Variants in MDM2 observed in about 807,000 individuals in gnomAD.
MDM2 encodes the protein MDM2 proto-oncogene, also known as E3 ubiquitin-protein ligase Mdm2.
A neutral mutation model predicts 64.3 loss-of-function variants in MDM2; 11 were observed. That is an observed-to-expected ratio of 0.17 (90% CI 0.11 to 0.28). The LOEUF is 0.28. MDM2 is among the 10% of genes least tolerant of loss of function. The pLI is 1.00. For missense variants in MDM2, 388 were observed against 577.1 expected (o/e 0.67, Z 3.36); for synonymous variants, 194 against 192.9 (o/e 1.01, Z -0.05).
chr12:68,840,196 G>A lies in MDM2; in HGVS notation c.*347G>A, dbSNP rs1303393871. The stretch of plus-strand genomic sequence containing the variant: ...GTCTTGCTCTGTTACCCAGGCTGGA[G>A]TGCAGTGGCGTGATCTTGGCTCACT... On this transcript the variant is annotated 3_prime_UTR_variant, in exon 11 of 11. Coordinates refer to ENST00000258149, the MANE Select transcript of MDM2 (RefSeq NM_002392.6). 4.4e-6 allele frequency: 1 copy of A among 227,530 alleles called. No homozygotes were observed. The highest frequency in any genetic ancestry group is 8.7e-6 in the Non-Finnish European group (1 of 115,508). The allele number at this position is 227,530 out of a possible 1,614,324, so 14.1% of individuals were successfully genotyped here. A position where few individuals can be genotyped will look rare whatever the true frequency, so the allele number is the denominator to read the frequency against.
chr12:68,839,209 A>G, intron 10 of MDM2, 65 bp from the exon 11 acceptor site: 1 of 1,472,456 alleles, frequency 6.8e-7, no homozygotes. Context: ...CAAAGTTGCT[A>G]GCATTCCTGT....
At chr12:68,815,891 T>G (rs1488429348) in intron 3 of MDM2, among the ~76,000 whole-genome samples, 1 of 152,230 alleles carries the variant, frequency 6.6e-6, no homozygotes, top group Non-Finnish European at 1.5e-5. Context: ...AAAAATGTAT[T>G]GCCAACTTCT....
At chr12:68,835,049 C>T in intron 8 of MDM2, among the ~76,000 whole-genome samples, 1 of 151,978 alleles carries the variant, frequency 6.6e-6, no homozygotes, top group East Asian at 1.9e-4. Flanking sequence ...TGACTCGAGA[C>T]ATTTTTCTAA....
intron 2 of MDM2, among the ~76,000 whole-genome samples, chr12:68,810,185 G>A (rs1055499902): frequency 6.6e-6 from 1 of 151,836 alleles, no homozygotes; most frequent in Non-Finnish European, 1.5e-5. Context: ...GGTGGCGCGC[G>A]CCTATAATCC....
chr12:68,845,582 G>A (rs951023453), downstream of MDM2: 5 of 181,276 alleles, frequency 2.8e-5, no homozygotes, highest in Admixed American at 6.3e-5. Flanking sequence ...ACTTGAATTC[G>A]TATTGCTTTC....
intron 7 of MDM2, among the ~76,000 whole-genome samples, chr12:68,825,631 G>A (rs1281774914): frequency 2.6e-5 from 4 of 151,904 alleles, no homozygotes; most frequent in Admixed American, 1.3e-4. Flanking sequence ...CCGCCTGGGC[G>A]ACACAGTGAG....
At chr12:68,829,580 A>G (rs781159764) in intron 8 of MDM2, among the ~76,000 whole-genome samples, 7 of 152,264 alleles carry the variant, frequency 4.6e-5, no homozygotes, top group Non-Finnish European at 1.0e-4. Flanking sequence ...AGCATGGCCA[A>G]CAAGATGAAA....
At chr12:68,838,707 C>T (rs1456194559) in intron 10 of MDM2, among the ~76,000 whole-genome samples, 1 of 152,100 alleles carries the variant, frequency 6.6e-6, no homozygotes, top group Admixed American at 6.5e-5. Context: ...ATATAGGCTG[C>T]ATGACAGAGT....
At chr12:68,833,272 T>A (rs1218933772) in intron 8 of MDM2, among the ~76,000 whole-genome samples, 6 of 82,736 alleles carry the variant, frequency 7.3e-5, no homozygotes, top group Admixed American at 4.6e-4. Flanking sequence ...TAATTATATA[T>A]TTATATAAAT....
At chr12:68,809,002 A>G in intron 1 of MDM2, 1 of 1,454,720 alleles carries the variant, frequency 6.9e-7, no homozygotes, top group Non-Finnish European at 9.0e-7. Flanking sequence ...TATTTAAACC[A>G]TGCATTTTCC....
At chr12:68,822,558 G>C (rs1881949268) in intron 5 of MDM2, among the ~76,000 whole-genome samples, 1 of 152,002 alleles carries the variant, frequency 6.6e-6, no homozygotes, top group Admixed American at 6.6e-5. Flanking sequence ...GTAGTAGTTT[G>C]AGTTTTCTGA....
chr12:68,824,454 C>G (rs1363997448), intron 6 of MDM2, 24 bp downstream of exon 6: 1 of 1,607,624 alleles, frequency 6.2e-7, no homozygotes, highest in African/African-American at 1.3e-5. Context: ...ATTTCTCATT[C>G]TAATGTAATA....
chr12:68,827,868 G>C (rs1199891300), intron 7 of MDM2, among the ~76,000 whole-genome samples: 2 of 152,112 alleles, frequency 1.3e-5, no homozygotes, highest in Non-Finnish European at 1.5e-5. Context: ...TAGTGGCTTA[G>C]GCCTGTAATC....
intron 4 of MDM2, among the ~76,000 whole-genome samples, chr12:68,819,464 T>C (rs931882380): frequency 1.3e-5 from 2 of 152,170 alleles, no homozygotes; most frequent in African/African-American, 4.8e-5. Context: ...ATTGAATGAA[T>C]GAGTACTGCT....
At position 68,842,220 on chromosome 12, in the gene MDM2, A is replaced by G; in HGVS notation, c.*2371A>G. 1 of 499,116 alleles carries G rather than the reference A, an allele frequency of 2.0e-6. No individual in the cohort carries two copies. The highest frequency in any genetic ancestry group is 1.5e-5 in the South Asian group (1 of 64,882). 30.9% of individuals were successfully genotyped at this position (499,116 alleles called of 1,614,324 possible). Reference sequence around the variant, plus strand: ...AGTTGAAAAGATCAAACAAATGCCAAGCTATATTTATAATGAACAAATTCA... The same window carrying G: ...AGTTGAAAAGATCAAACAAATGCCAGGCTATATTTATAATGAACAAATTCA... On this transcript the variant is annotated 3_prime_UTR_variant, in exon 11 of 11. Coordinates refer to ENST00000258149, the MANE Select transcript of MDM2 (RefSeq NM_002392.6).
intron 2 of MDM2, among the ~76,000 whole-genome samples, chr12:68,812,906 T>G (rs760635168): frequency 2.0e-5 from 3 of 152,198 alleles, no homozygotes; most frequent in Non-Finnish European, 4.4e-5. Flanking sequence ...ACCCCTAATC[T>G]AGTTGGCAGG....
At chr12:68,808,846 G>A in intron 1 of MDM2, 1 of 903,096 alleles carries the variant, frequency 1.1e-6, no homozygotes, top group Non-Finnish European at 1.3e-6. Context: ...CGGGTCACTA[G>A]TGTGAACGCT....
In MDM2 at chr12:68,840,054, C is replaced by A; in HGVS notation, c.*205C>A. ...TTGAATATGTAGCTCATCCTTTACA[C>A]CAACTCCTAATTTTAAATAATTTCT... On this transcript the variant is annotated 3_prime_UTR_variant, in exon 11 of 11. Transcript: ENST00000258149. The A allele has an allele frequency of 2.0e-6, 1 of 495,368 alleles. No individual in the cohort carries two copies. The highest frequency in any genetic ancestry group is 3.5e-6 in the Non-Finnish European group (1 of 285,630). 30.7% of individuals were successfully genotyped at this position (495,368 alleles called of 1,614,324 possible).
chr12:68,818,162 C>T (rs1412253899), intron 4 of MDM2, among the ~76,000 whole-genome samples: 1 of 152,138 alleles, frequency 6.6e-6, no homozygotes, highest in Non-Finnish European at 1.5e-5. Context: ...GCATTCATTA[C>T]ATTAATAAAT....
Sources: allele counts gnomAD v4.1 joint callset (sites outside exome capture counted in the v4.1 genomes callset), GRCh38; gene constraint gnomAD v4.1.1; transcripts MANE v1.5; gene names NCBI Gene and HGNC (gene_info 2026-07-23, HGNC 2026-07-21).